GALNTL6: variants seen among roughly 807,000 people sequenced by gnomAD.
GALNTL6 encodes polypeptide N-acetylgalactosaminyltransferase-like 6.
GALNTL6 carries 46 observed loss-of-function variants against 73.7 expected under a neutral mutation model. That is an observed-to-expected ratio of 0.62 (90% CI 0.49 to 0.80). GALNTL6 has a LOEUF of 0.80. Among genes scored for constraint, GALNTL6 ranks in the 30% least tolerant of loss-of-function variants. The pLI is 0.00. For synonymous variants in GALNTL6, 259 were observed against 263.7 expected (o/e 0.98, Z 0.17); for missense variants, 604 against 755.0 (o/e 0.80, Z 2.34).
chr4:172,001,547 A>G (rs1277416311), intron 2 of GALNTL6, among the ~76,000 whole-genome samples: 1 of 152,096 alleles, frequency 6.6e-6, no homozygotes, highest in Non-Finnish European at 1.5e-5. Flanking sequence ...TTAAGATATT[A>G]TTTGCTTTCT....
At chr4:171,989,185 C>T (rs58854702) in intron 2 of GALNTL6, among the ~76,000 whole-genome samples, 12,342 of 151,838 alleles carry the variant, frequency 0.081, 1,015 homozygotes, top group African/African-American at 0.21. Context: ...GAGTAGCCTC[C>T]GTATTGATTA....
At chr4:172,688,969 C>A (rs1324733367) in intron 5 of GALNTL6, among the ~76,000 whole-genome samples, 2 of 10,690 alleles carry the variant, frequency 1.9e-4, no homozygotes, top group Admixed American at 1.8e-3. Flanking sequence ...ACTCAGTAAC[C>A]CAAAGTCAGC....
chr4:172,854,106 A>G (rs1431349354), intron 7 of GALNTL6, among the ~76,000 whole-genome samples: 1 of 152,096 alleles, frequency 6.6e-6, no homozygotes, highest in Admixed American at 6.6e-5. Context: ...AGTATACCAC[A>G]TGCATTCACT....
intron 5 of GALNTL6, among the ~76,000 whole-genome samples, chr4:172,769,371 G>A (rs776952277): frequency 1.3e-5 from 2 of 152,282 alleles, no homozygotes; most frequent in South Asian, 4.1e-4. Context: ...TTTGAAAGAA[G>A]AATCAAGAGG....
At chr4:172,688,966 A>ACATCATAATGGTAAC (rs1443675398) in intron 5 of GALNTL6, among the ~76,000 whole-genome samples, 1 of 7,230 alleles carries the variant, frequency 1.4e-4, no homozygotes, top group Non-Finnish European at 3.3e-4. Context: ...CCTACTCAGT[A>ACATCATAATGGTAAC]ACCCAAAGTC....
intron 3 of GALNTL6, among the ~76,000 whole-genome samples, chr4:172,258,695 A>G (rs1483377117): frequency 6.6e-6 from 1 of 151,308 alleles, no homozygotes; most frequent in Non-Finnish European, 1.5e-5. Context: ...TGGTGCACGC[A>G]TCACCTGACC....
In GALNTL6 at chr4:172,816,842, C is replaced by T. The variant is rs896190989; in HGVS notation, c.923+3119C>T. Among the ~76,000 whole-genome samples, 69 of 152,114 alleles carry T rather than the reference C, an allele frequency of 4.5e-4. 1 individual carries two copies. Among genetic ancestry groups the T allele is most frequent in the African/African-American group, 1.2e-3 (51 of 41,502 alleles). Reference sequence around the variant, plus strand: ...AAATATTTTGGCTGGGCACGGTGGCCGCGCCTGTATTCCCAGCATTTTGGG... The same window carrying T: ...AAATATTTTGGCTGGGCACGGTGGCTGCGCCTGTATTCCCAGCATTTTGGG... On this transcript the variant is annotated intron_variant, in intron 7 of 12. Transcript: ENST00000506823.
At chr4:172,037,763 C>G (rs1022768796) in intron 2 of GALNTL6, among the ~76,000 whole-genome samples, 4 of 152,082 alleles carry the variant, frequency 2.6e-5, no homozygotes, top group African/African-American at 9.7e-5. Flanking sequence ...CTATTACTGC[C>G]CATTCAATTC....
intron 5 of GALNTL6, among the ~76,000 whole-genome samples, chr4:172,420,970 C>G (rs1212572121): frequency 2.0e-5 from 3 of 151,840 alleles, no homozygotes; most frequent in Non-Finnish European, 2.9e-5. Context: ...AATGAGAACA[C>G]ATGGACACGG....
At chr4:172,241,877 T>A (rs1410225208) in intron 3 of GALNTL6, among the ~76,000 whole-genome samples, 1 of 152,172 alleles carries the variant, frequency 6.6e-6, no homozygotes, top group Non-Finnish European at 1.5e-5. Flanking sequence ...CTTTTAACAG[T>A]TTGGCTGCAC....
At chr4:172,011,761 T>C (rs10032030) in intron 2 of GALNTL6, among the ~76,000 whole-genome samples, 142,227 of 151,946 alleles carry the variant, frequency 0.94, 66,853 homozygotes, top group East Asian at 1. Flanking sequence ...AAATATAATA[T>C]GAAATAAAAT....
At chr4:172,769,001 G>A (rs1005490226) in intron 5 of GALNTL6, among the ~76,000 whole-genome samples, 2 of 151,928 alleles carry the variant, frequency 1.3e-5, no homozygotes, top group South Asian at 2.1e-4. Context: ...TTGCTGGTCC[G>A]CAAACAGATA....
chr4:172,108,885 C>T (rs1452087251), intron 2 of GALNTL6, among the ~76,000 whole-genome samples: 5 of 151,576 alleles, frequency 3.3e-5, no homozygotes, highest in Admixed American at 6.6e-5. Context: ...TGGTAGCGTG[C>T]GCCCATATTC....
chr4:172,655,333 G>A (rs1255244288), intron 5 of GALNTL6, among the ~76,000 whole-genome samples: 1 of 152,052 alleles, frequency 6.6e-6, no homozygotes, highest in Non-Finnish European at 1.5e-5. Context: ...TTTATCATTT[G>A]CACTCACAGC....
chr4:172,090,862 A>G (rs1413672605), intron 2 of GALNTL6, among the ~76,000 whole-genome samples: 4 of 152,118 alleles, frequency 2.6e-5, no homozygotes, highest in East Asian at 1.9e-4. Flanking sequence ...ATCTTGAGTT[A>G]ACTTTTGTAT....
chr4:171,970,763 T>G (rs989251244), intron 2 of GALNTL6, among the ~76,000 whole-genome samples: 4 of 152,182 alleles, frequency 2.6e-5, no homozygotes. Flanking sequence ...AGATTTTAAT[T>G]GCAAAAATAT....
At chr4:172,559,211 C>A (rs1736259540) in intron 5 of GALNTL6, among the ~76,000 whole-genome samples, 1 of 151,480 alleles carries the variant, frequency 6.6e-6, no homozygotes, top group Non-Finnish European at 1.5e-5. Flanking sequence ...ACCACAGGCA[C>A]CCGCCACCAC....
intron 5 of GALNTL6, among the ~76,000 whole-genome samples, chr4:172,449,124 A>G (rs533672700): frequency 2.0e-4 from 30 of 152,166 alleles, no homozygotes; most frequent in African/African-American, 6.7e-4. Context: ...TCTTTTTTAC[A>G]ATAGTGAAAA....
chr4:172,548,635 G>A (rs1355182808), intron 5 of GALNTL6, among the ~76,000 whole-genome samples: 2 of 152,132 alleles, frequency 1.3e-5, no homozygotes, highest in East Asian at 1.9e-4. Flanking sequence ...TCTAATGATT[G>A]CTTTCATATT....
Sources: allele counts gnomAD v4.1 joint callset (sites outside exome capture counted in the v4.1 genomes callset), GRCh38; gene constraint gnomAD v4.1.1; transcripts MANE v1.5; gene names NCBI Gene and HGNC (gene_info 2026-07-23, HGNC 2026-07-21).